Variants in GRM3 observed in about 807,000 individuals in gnomAD.
GRM3 encodes the protein metabotropic glutamate receptor 3.
GRM3 carries 26 observed loss-of-function variants against 70.5 expected under a neutral mutation model. The ratio of observed to expected loss-of-function variants is 0.37; its 90% CI spans 0.27 to 0.51. GRM3 has a LOEUF of 0.51. Ranked by LOEUF, GRM3 falls within the 20% of genes least tolerant of loss-of-function variation. The pLI is 0.93. For synonymous variants in GRM3, 443 were observed against 434.9 expected, an observed-to-expected ratio of 1.02 and a Z score of -0.23; for missense variants, 859 against 1,123.8, an observed-to-expected ratio of 0.76 and a Z score of 3.37.
rs1226646304 is a variant in GRM3 at position 86,786,967 on chromosome 7, T to C, written c.1175T>C (p.Phe392Ser). Residue 392 changes from phenylalanine to serine, a missense_variant, in exon 3 of 6, where the codon TTT becomes TCT. By Grantham distance (155) the Phe-to-Ser change is radical (BLOSUM62 -2). Transcript: ENST00000361669. This position sits in a 1 kb window ranked among gnomAD's most constrained non-coding sequence, Gnocchi z 6.0. ...SNYEQESKIM[F>S]VVNAVYAMAH... is the part of the protein sequence containing the mutation. ...TACGAGCAAGAGTCCAAGATCATGT[T>C]TGTGGTGAACGCGGTGTATGCCATG... 1.2e-6 allele frequency: 2 copies of C among 1,614,210 alleles called. No homozygotes were observed. The highest frequency in any genetic ancestry group is 1.7e-6 in the Non-Finnish European group (2 of 1,180,028).
chr7:86,645,799 A>T (rs1793445968), intron 1 of GRM3, among the ~76,000 whole-genome samples: 1 of 152,074 alleles, frequency 6.6e-6, no homozygotes, highest in Admixed American at 6.5e-5. Context: ...AAATATTTCT[A>T]CTATTTGAAT....
chr7:86,698,796 C>T (rs1005612255), intron 1 of GRM3, among the ~76,000 whole-genome samples: 4 of 152,048 alleles, frequency 2.6e-5, no homozygotes, highest in African/African-American at 9.7e-5. Flanking sequence ...GCCATAGCAG[C>T]AGTAGCTGCC....
Position 86,765,123 on chromosome 7 carries a change from C to T in GRM3, c.-23C>T, listed in dbSNP as rs746074063. ...ACATTGGCTCCACCATTGATATCTC[C>T]CAGAGGTACAGAAACAGGATTCATG... is the stretch of plus-strand genomic sequence containing the variant. On this transcript the variant is annotated 5_prime_UTR_variant, in exon 2 of 6. Coordinates refer to ENST00000361669, the MANE Select transcript of GRM3 (RefSeq NM_000840.3). 6.5e-7 allele frequency: 1 copy of T among 1,544,758 alleles called. No homozygotes were observed. The highest frequency in any genetic ancestry group is 1.3e-5 in the South Asian group (1 of 77,252).
At chr7:86,861,110 C>A (rs756741424) in intron 5 of GRM3, among the ~76,000 whole-genome samples, 1 of 152,184 alleles carries the variant, frequency 6.6e-6, no homozygotes, top group African/African-American at 2.4e-5. Context: ...GAGCTCACAA[C>A]CTGAGTCAGT....
chr7:86,833,511 C>A (rs180880699), intron 3 of GRM3, among the ~76,000 whole-genome samples: 2 of 152,160 alleles, frequency 1.3e-5, no homozygotes, highest in Non-Finnish European at 2.9e-5. Context: ...TTAGAGGCAA[C>A]TCTAAATGCA....
At chr7:86,858,200 C>A (rs547439667) in intron 5 of GRM3, among the ~76,000 whole-genome samples, 72 of 152,014 alleles carry the variant, frequency 4.7e-4, no homozygotes, top group Non-Finnish European at 7.8e-4. Flanking sequence ...TCATGATCCA[C>A]CCACCTCATC....
chr7:86,683,347 A>T (rs771406697), intron 1 of GRM3, among the ~76,000 whole-genome samples: 24 of 152,184 alleles, frequency 1.6e-4, no homozygotes, highest in Non-Finnish European at 2.8e-4. Context: ...TAACAAGTTC[A>T]GTTTGAGACA....
intron 1 of GRM3, among the ~76,000 whole-genome samples, chr7:86,649,472 C>T (rs1213814445): frequency 1.3e-5 from 2 of 151,880 alleles, no homozygotes; most frequent in African/African-American, 4.8e-5. Flanking sequence ...ATTAAGGCAC[C>T]AGTTTGAAAA....
chr7:86,743,599 G>A (rs1475572170), intron 1 of GRM3, among the ~76,000 whole-genome samples: 1 of 152,162 alleles, frequency 6.6e-6, no homozygotes, highest in Non-Finnish European at 1.5e-5. Context: ...AAAATTGTGA[G>A]ATTGACAATA....
At chr7:86,695,096 A>G (rs1794784522) in intron 1 of GRM3, among the ~76,000 whole-genome samples, 1 of 152,222 alleles carries the variant, frequency 6.6e-6, no homozygotes, top group Non-Finnish European at 1.5e-5. Context: ...AAAGGAGTCC[A>G]TAAATGTACT....
chr7:86,779,499 C>G (rs1796986351), intron 2 of GRM3, among the ~76,000 whole-genome samples: 1 of 152,192 alleles, frequency 6.6e-6, no homozygotes, highest in African/African-American at 2.4e-5. Context: ...TCAATTCCCT[C>G]ATCAATCCAT....
At chr7:86,792,354 G>T (rs970186) in intron 3 of GRM3, among the ~76,000 whole-genome samples, 2 of 152,116 alleles carry the variant, frequency 1.3e-5, no homozygotes, top group Admixed American at 6.5e-5. Flanking sequence ...GTGGTAACTG[G>T]AGTATACCCA....
chr7:86,662,017 TATC>T (rs1260061585), intron 1 of GRM3, among the ~76,000 whole-genome samples: 2 of 151,914 alleles, frequency 1.3e-5, no homozygotes, highest in Non-Finnish European at 2.9e-5. Context: ...AAATGAATGG[TATC>T]AGGGTTAAAA....
chr7:86,838,448 T>C (rs1798499425), intron 3 of GRM3, among the ~76,000 whole-genome samples: 1 of 152,210 alleles, frequency 6.6e-6, no homozygotes, highest in African/African-American at 2.4e-5. Flanking sequence ...TTATTGGCTG[T>C]ACATAAATAA....
intron 3 of GRM3, among the ~76,000 whole-genome samples, chr7:86,788,476 A>G (rs542412620): frequency 2.6e-5 from 4 of 152,328 alleles, no homozygotes; most frequent in African/African-American, 9.6e-5. Flanking sequence ...GATGGATACC[A>G]CTTCTTATCA....
chr7:86,831,643 G>C (rs1798354048), intron 3 of GRM3, among the ~76,000 whole-genome samples: 1 of 151,940 alleles, frequency 6.6e-6, no homozygotes, highest in South Asian at 2.1e-4. Flanking sequence ...TCTGAGAGTA[G>C]ATTGTTTCTG....
intron 1 of GRM3, among the ~76,000 whole-genome samples, chr7:86,683,218 A>C (rs980701644): frequency 6.6e-6 from 1 of 152,168 alleles, no homozygotes; most frequent in Non-Finnish European, 1.5e-5. Context: ...GTAGATGTAG[A>C]TAAGCAAGGA....
chr7:86,802,128 A>T (rs546598100), intron 3 of GRM3, among the ~76,000 whole-genome samples: 1 of 152,292 alleles, frequency 6.6e-6, no homozygotes, highest in African/African-American at 2.4e-5. Context: ...AAAATCCATC[A>T]GGTTGGTAGA....
In GRM3 at chr7:86,790,235, A is replaced by G. The variant is rs113012749; in HGVS notation, c.1324+3119A>G. On this transcript the variant is annotated intron_variant, in intron 3 of 5. Coordinates refer to ENST00000361669, the MANE Select transcript of GRM3 (RefSeq NM_000840.3). ...TTTAGGAATCATTCCTATACTTCCCAAACTAAGATAAATGCCCCTTCTTAT... is the reference window on the plus strand; with the variant it reads ...TTTAGGAATCATTCCTATACTTCCCGAACTAAGATAAATGCCCCTTCTTAT... 2.7e-3 allele frequency among the ~76,000 whole-genome samples: 408 copies of G among 149,312 alleles called. 2 individuals carry two copies. Among genetic ancestry groups the G allele is most frequent in the Non-Finnish European group, 4.5e-3 (307 of 67,670 alleles).
Sources: gnomAD v4.1 joint callset for allele counts (sites outside exome capture counted in the v4.1 genomes callset) on GRCh38, gnomAD v4.1.1 for gene constraint, Gnocchi (gnomAD v3.1) non-coding constraint, MANE v1.5 for transcripts, NCBI Gene and HGNC (gene_info 2026-07-23, HGNC 2026-07-21) for gene names.